The following MAP3K13 variants were observed in gnomAD, a reference collection of about 807,000 sequenced individuals.
The protein encoded by MAP3K13 is mitogen-activated protein kinase kinase kinase 13, also known as leucine zipper-bearing kinase.
A neutral mutation model predicts 104.0 loss-of-function variants in MAP3K13; 52 were observed. That is an observed-to-expected ratio of 0.50 (90% CI 0.40 to 0.63). The LOEUF is 0.63. Ranked by LOEUF, MAP3K13 falls within the 20% of genes least tolerant of loss-of-function variation. The probability of loss-of-function intolerance (pLI) is 0.00; values close to 1 mark genes in which losing one functional copy is unlikely to be tolerated. For synonymous variants in MAP3K13, 394 were observed against 442.2 expected, an observed-to-expected ratio of 0.89 and a Z score of 1.37; for missense variants, 914 against 1,218.5, an observed-to-expected ratio of 0.75 and a Z score of 3.72.
At chr3:185,354,563 A>AG (rs77928899) in intron 2 of MAP3K13, among the ~76,000 whole-genome samples, 149,992 of 149,996 alleles carry the variant, frequency 1, 74,994 homozygotes, top group Middle Eastern at 1. Context: ...CCTCAAGTAG[A>AG]GCTCATCAAG....
intron 1 of MAP3K13, among the ~76,000 whole-genome samples, chr3:185,283,898 CTTTTTTTT>C (rs1201384582): frequency 7.8e-6 from 1 of 127,410 alleles, no homozygotes; most frequent in Non-Finnish European, 1.6e-5. Flanking sequence ...TTCTTTCTTT[CTTTTTTTT>C]TTTTTTTTTT....
In MAP3K13 at chr3:185,334,895, C is replaced by T. The variant is rs539530041; in HGVS notation, c.-86+49252C>T. On this transcript the variant is annotated intron_variant, in intron 2 of 14. Coordinates refer to the MAP3K13 transcript ENST00000424227. Reference sequence around the variant, plus strand: ...AAGTGCTGGGATTACAGGCATGAGCCACCTCGCCCAGCCAACAAATGGATT... The same window carrying T: ...AAGTGCTGGGATTACAGGCATGAGCTACCTCGCCCAGCCAACAAATGGATT... Among the ~76,000 whole-genome samples, 295 of 152,234 alleles carry T rather than the reference C, an allele frequency of 1.9e-3. 2 individuals carry two copies. Among genetic ancestry groups the T allele is most frequent in the African/African-American group, 6.8e-3 (281 of 41,544 alleles).
At chr3:185,355,392 G>A (rs1220054815) in intron 2 of MAP3K13, among the ~76,000 whole-genome samples, 3 of 151,256 alleles carry the variant, frequency 2.0e-5, no homozygotes, top group South Asian at 2.1e-4. Context: ...ACTTGAACCC[G>A]AGAGGCGGAG....
chr3:185,300,816 A>G lies in MAP3K13; in HGVS notation c.-86+15173A>G, dbSNP rs901847597. 1.4e-4 allele frequency among the ~76,000 whole-genome samples: 21 copies of G among 152,290 alleles called. No individual in the cohort carries two copies. The East Asian group carries it at 4.0e-3, about 29-fold the overall frequency. On this transcript the variant is annotated intron_variant, in intron 2 of 14. Transcript: ENST00000424227. ...CTACCTTCTTTTTTAAGGCTGAATA[A>G]TATCCATTGTGTGAATATACCAAAT...
At chr3:185,307,581 C>T (rs559542864) in intron 2 of MAP3K13, among the ~76,000 whole-genome samples, 26 of 120,106 alleles carry the variant, frequency 2.2e-4, no homozygotes, top group African/African-American at 8.3e-4. Context: ...CTTACTCTGT[C>T]GCCCAGAGCT....
chr3:185,469,505 T>G (rs1577613678), intron 10 of MAP3K13, among the ~76,000 whole-genome samples: 1 of 152,224 alleles, frequency 6.6e-6, no homozygotes, highest in Admixed American at 6.5e-5. Context: ...ATTGGCCAGC[T>G]GACCACAGAA....
intron 2 of MAP3K13, among the ~76,000 whole-genome samples, chr3:185,336,553 A>G (rs544237224): frequency 9.8e-5 from 11 of 111,984 alleles, no homozygotes; most frequent in East Asian, 2.5e-4. Context: ...AAAAAAAAAA[A>G]AAAAGAAAAG....
intron 1 of MAP3K13, among the ~76,000 whole-genome samples, chr3:185,375,117 T>C (rs901544494): frequency 1.3e-5 from 2 of 152,132 alleles, no homozygotes; most frequent in Non-Finnish European, 1.5e-5. Context: ...TGGTCCATTA[T>C]TGGACTGTAT....
chr3:185,384,244 C>T (rs1025682220), intron 1 of MAP3K13, among the ~76,000 whole-genome samples: 1 of 151,778 alleles, frequency 6.6e-6, no homozygotes, highest in Non-Finnish European at 1.5e-5. Flanking sequence ...TAATGACCTC[C>T]AGCTCTACCT....
At chr3:185,342,301 G>A (rs1722749900) in intron 2 of MAP3K13, among the ~76,000 whole-genome samples, 1 of 152,128 alleles carries the variant, frequency 6.6e-6, no homozygotes, top group Non-Finnish European at 1.5e-5. Context: ...CAATCTGCAT[G>A]CTGCAGTGCA....
rs1718524979 is a variant in MAP3K13 at position 185,482,523 on chromosome 3, C to T, written c.*67C>T. ...ATTTCAGATCCACCCCACCCCCAGACTCATCCCACTCTCTCCCAGCATTTT... is the reference window on the plus strand; with the variant it reads ...ATTTCAGATCCACCCCACCCCCAGATTCATCCCACTCTCTCCCAGCATTTT... On this transcript the variant is annotated 3_prime_UTR_variant, in exon 14 of 14. Transcript: ENST00000265026. This position sits in a 1 kb window ranked among gnomAD's most constrained non-coding sequence, Gnocchi z 4.5. 6 of 1,136,116 alleles carry T rather than the reference C, an allele frequency of 5.3e-6. No individual in the cohort carries two copies. The South Asian group carries it at 7.6e-5, about 14-fold the overall frequency. The allele number at this position is 1,136,116 out of a possible 1,614,324, so 70.4% of individuals were successfully genotyped here. A position where few individuals can be genotyped will look rare whatever the true frequency, so the allele number is the denominator to read the frequency against.
chr3:185,428,773 CACCACAACA>C lies in MAP3K13; in HGVS notation c.193_201del (p.Thr65_Thr67del). 6.2e-7 allele frequency: 1 copy of C among 1,614,206 alleles called. No homozygotes were observed. The highest frequency in any genetic ancestry group is 8.5e-7 in the Non-Finnish European group (1 of 1,180,044). ...TAATCGAGAGCGTGCACAGCCCCGT[CACCACAACA>C]GTGTTGACGAGCGTAAGTGAGGATT... On this transcript the variant is annotated inframe_deletion, in exon 2 of 14. Transcript: ENST00000265026.
chr3:185,410,887 A>G (rs965709383), intron 1 of MAP3K13, among the ~76,000 whole-genome samples: 2 of 151,636 alleles, frequency 1.3e-5, no homozygotes, highest in Admixed American at 1.3e-4. Flanking sequence ...GTGAACTAAG[A>G]TCACACCGCT....
intron 1 of MAP3K13, among the ~76,000 whole-genome samples, chr3:185,372,242 G>A (rs979175613): frequency 3.3e-5 from 5 of 152,178 alleles, no homozygotes; most frequent in African/African-American, 1.2e-4. Context: ...CTCACCTGAT[G>A]TTACAGCCAT....
intron 10 of MAP3K13, 86 bp downstream of exon 10, chr3:185,467,049 C>T: frequency 5.4e-6 from 8 of 1,484,278 alleles, no homozygotes; most frequent in Non-Finnish European, 6.5e-6. Flanking sequence ...CGGATGTGGC[C>T]TCTTCTTTAG....
In MAP3K13 at chr3:185,454,999, T is replaced by TG. The variant is rs1716345242; in HGVS notation, c.1278+3604_1278+3605insG. 1.7e-4 allele frequency among the ~76,000 whole-genome samples: 7 copies of TG among 41,854 alleles called. No homozygotes were observed. In the South Asian group the frequency reaches 5.1e-3, roughly 31 times the overall value. The allele number at this position is 41,854 out of a possible 152,430, so 27.5% of individuals were successfully genotyped here. A position where few individuals can be genotyped will look rare whatever the true frequency, so the allele number is the denominator to read the frequency against. ...TATGATATATATGAGATATATATGA[T>TG]ATATATGAGATATATATGATATATA... On this transcript the variant is annotated intron_variant, in intron 7 of 13. Coordinates refer to ENST00000265026, the MANE Select transcript of MAP3K13 (RefSeq NM_004721.5).
chr3:185,456,615 T>TG (rs1716765535), intron 7 of MAP3K13, among the ~76,000 whole-genome samples: 1 of 149,638 alleles, frequency 6.7e-6, no homozygotes, highest in East Asian at 1.9e-4. Flanking sequence ...TTTTTTTTTT[T>TG]TTGAGACGGA....
chr3:185,405,450 T>C (rs527617456), intron 1 of MAP3K13, among the ~76,000 whole-genome samples: 1 of 152,384 alleles, frequency 6.6e-6, no homozygotes, highest in Admixed American at 6.5e-5. Flanking sequence ...GTTACAGCAG[T>C]GCTGATCACT....
intron 2 of MAP3K13, among the ~76,000 whole-genome samples, chr3:185,347,073 A>G (rs1426900140): frequency 7.0e-6 from 1 of 143,722 alleles, no homozygotes; most frequent in Non-Finnish European, 1.5e-5. Flanking sequence ...TGCAACCTCT[A>G]CCTCCCGGGT....
Sources: allele counts gnomAD v4.1 joint callset (sites outside exome capture counted in the v4.1 genomes callset), GRCh38; gene constraint gnomAD v4.1.1; non-coding constraint Gnocchi (gnomAD v3.1); transcripts MANE v1.5; gene names NCBI Gene and HGNC (gene_info 2026-07-23, HGNC 2026-07-21).